Variants in MRC2 observed in about 807,000 individuals in gnomAD.
MRC2 encodes the protein mannose receptor C-type 2.
A neutral mutation model predicts 206.2 loss-of-function variants in MRC2; 84 were observed. The ratio of observed to expected loss-of-function variants is 0.41; its 90% CI spans 0.34 to 0.49. The LOEUF is 0.49. Ranked by LOEUF, MRC2 falls within the 20% of genes least tolerant of loss-of-function variation. The pLI, the probability that MRC2 is intolerant of heterozygous loss-of-function variation, is 0.31. For synonymous variants in MRC2, 798 were observed against 800.0 expected, an observed-to-expected ratio of 1.00 and a Z score of 0.04; for missense variants, 1,676 against 2,001.5, an observed-to-expected ratio of 0.84 and a Z score of 3.10.
In MRC2 at chr17:62,680,270, G is replaced by A. The variant is rs1475822596; in HGVS notation, c.2399G>A (p.Cys800Tyr). The A allele has an allele frequency of 6.2e-7, 1 of 1,614,112 alleles. No homozygotes were observed. Among genetic ancestry groups the A allele is most frequent in the African/African-American group, 1.3e-5 (1 of 75,062 alleles). ...TCCCTGCAGTGGGTGGCCATGCAGT[G>A]CGACACACAGCTGGACTGGATCTGC... The part of the protein sequence containing the change: ...LASLQWVAMQ[C>Y]DTQLDWICKI... Residue 800 changes from cysteine (C) to tyrosine (Y), a missense_variant, in exon 15 of 30, where the codon TGC becomes TAC. Coordinates refer to ENST00000303375, the MANE Select transcript of MRC2 (RefSeq NM_006039.5). The surrounding 1 kb of genome is among the most constrained non-coding windows in gnomAD (Gnocchi z 4.8).
chr17:62,627,961 G>T (rs756902989), intron 1 of MRC2, 41 bp downstream of exon 1: 19 of 1,331,442 alleles, frequency 1.4e-5, no homozygotes, highest in Admixed American at 1.1e-4. Flanking sequence ...GGCCCGGGCG[G>T]GGGGAGCGCC....
chr17:62,690,989 C>T lies in MRC2; in HGVS notation c.4053C>T (p.Tyr1351=), dbSNP rs1315305007. Residue 1351 remains tyrosine (Y), a synonymous_variant, in exon 28 of 30, where the codon TAC becomes TAT. Coordinates refer to ENST00000303375, the MANE Select transcript of MRC2 (RefSeq NM_006039.5). ...GGCAGGACAACACAGCTGTGAACTA[C>T]TCCAACTGGGGGCCCCCGGGCTTGG... ...LVWQDNTAVN[Y]SNWGPPGLGP... 1.9e-6 allele frequency: 3 copies of T among 1,609,136 alleles called. No individual in the cohort carries two copies. Among genetic ancestry groups the T allele is most frequent in the Non-Finnish European group, 2.5e-6 (3 of 1,178,450 alleles).
rs79289293 is a variant in MRC2, at chr17:62,660,744, A to C, written c.119-3804A>C. On this transcript the variant is annotated intron_variant, in intron 1 of 29. Coordinates refer to ENST00000303375, the MANE Select transcript of MRC2 (RefSeq NM_006039.5). ...AGAGGAAGATTTTTTTAAAATCCAG[A>C]TTCCCTTTAACATAGCATCCCTGAC... Among the ~76,000 whole-genome samples the C allele has an allele frequency of 0.036, 5,430 of 152,292 alleles. 774 individuals carry two copies. The East Asian group carries it at 0.45, about 13-fold the overall frequency.
chr17:62,677,839 C>T (rs1391013907), intron 12 of MRC2, among the ~76,000 whole-genome samples: 1 of 152,132 alleles, frequency 6.6e-6, no homozygotes, highest in African/African-American at 2.4e-5. Context: ...ATCACGAGGT[C>T]AGGAGATCGA....
intron 9 of MRC2, among the ~76,000 whole-genome samples, chr17:62,674,798 T>C (rs577589917): frequency 6.6e-6 from 1 of 151,348 alleles, no homozygotes; most frequent in Admixed American, 6.6e-5. Flanking sequence ...CTCCAGGGAG[T>C]GGAGCAGGGG....
chr17:62,658,062 G>A (rs1568057473), intron 1 of MRC2, among the ~76,000 whole-genome samples: 1 of 152,122 alleles, frequency 6.6e-6, no homozygotes, highest in Non-Finnish European at 1.5e-5. Flanking sequence ...GAAAATGCAA[G>A]AGGTTGCCTT....
At position 62,692,503 on chromosome 17, in the gene MRC2, C is replaced by T. The variant is rs934354230; in HGVS notation, c.*52C>T. The T allele has an allele frequency of 2.7e-5, 40 of 1,497,168 alleles. No homozygotes were observed. Among genetic ancestry groups the T allele is most frequent in the Middle Eastern group, 4.5e-4 (2 of 4,492 alleles). The allele number at this position is 1,497,168 out of a possible 1,614,324, so 92.7% of individuals were successfully genotyped here. On this transcript the variant is annotated 3_prime_UTR_variant, in exon 30 of 30. Coordinates refer to ENST00000303375, the MANE Select transcript of MRC2 (RefSeq NM_006039.5). The surrounding 1 kb of genome is among the most constrained non-coding windows in gnomAD (Gnocchi z 4.2). ...CGGGAGGAGCTGGGGAGCTGGGGCCCTGGGTCAGTCTGGCCCCCCACCAGC... is the reference window on the plus strand; with the variant it reads ...CGGGAGGAGCTGGGGAGCTGGGGCCTTGGGTCAGTCTGGCCCCCCACCAGC...
chr17:62,690,760 A>C lies in MRC2; in HGVS notation c.4011A>C (p.Lys1337Asn). The C allele has an allele frequency of 6.2e-7, 1 of 1,602,746 alleles. No homozygotes were observed. Among genetic ancestry groups the C allele is most frequent in the Non-Finnish European group, 8.5e-7 (1 of 1,174,728 alleles). ...GGCTGGGCATGAACTTCAACCCCAA[A>C]GGTGGGTGCCCTGTGTGTGGGGTGG... ...GAWLGMNFNP[K>N]GGTLVWQDNT... The change falls in exon 27 of 30, where the codon AAA becomes AAC. Residue 1337 changes from lysine to asparagine, a missense_variant and splice_region_variant. Lys to Asn is a moderately conservative substitution (Grantham distance 94, BLOSUM62 0). Transcript: ENST00000303375.
At chr17:62,665,500 G>C (rs900433238) in intron 2 of MRC2, among the ~76,000 whole-genome samples, 1 of 151,944 alleles carries the variant, frequency 6.6e-6, no homozygotes, top group Non-Finnish European at 1.5e-5. Context: ...ATACATGCTT[G>C]TAAAGTCTTC....
chr17:62,688,375 G>A lies in MRC2; in HGVS notation c.3033G>A (p.Leu1011=), dbSNP rs1382297590. ...CCTGTGAACAGCAAGAGGCCCAGCT[G>A]GTCACCATCACAAACCCCTTAGAGC... The part of the protein sequence containing the change: ...QFSCEQQEAQ[L]VTITNPLEQA... Residue 1011 remains leucine (L), a synonymous_variant, in exon 21 of 30, where the codon CTG becomes CTA. Transcript: ENST00000303375. The A allele has an allele frequency of 1.2e-6, 2 of 1,614,202 alleles. No individual in the cohort carries two copies. The highest frequency in any genetic ancestry group is 1.7e-6 in the Non-Finnish European group (2 of 1,180,026).
rs763340481 is a variant in MRC2, at chr17:62,680,358, G to A, written c.2437+50G>A. ...CGCGGGATGGAGCGAAGGGTGGCGG[G>A]GCCAGGAATTCCAGGGAGGGTCTCC... On this transcript the variant is annotated intron_variant, in intron 15 of 29. Coordinates refer to ENST00000303375, the MANE Select transcript of MRC2 (RefSeq NM_006039.5). This position sits in a 1 kb window ranked among gnomAD's most constrained non-coding sequence, Gnocchi z 4.8. 1 of 1,613,686 alleles carries A rather than the reference G, an allele frequency of 6.2e-7. No individual in the cohort carries two copies. The highest frequency in any genetic ancestry group is 2.2e-5 in the East Asian group (1 of 44,856).
chr17:62,681,571 G>C (rs935561408), intron 18 of MRC2: 1 of 483,410 alleles, frequency 2.1e-6, no homozygotes, highest in East Asian at 4.0e-5. Flanking sequence ...TTGTCTTTTT[G>C]CCCTTGGGCT....
chr17:62,669,617 C>T (rs1378386907), intron 6 of MRC2, among the ~76,000 whole-genome samples: 2 of 152,094 alleles, frequency 1.3e-5, no homozygotes, highest in Admixed American at 6.5e-5. Context: ...GCAACCTCCG[C>T]CTCCCAGGTT....
chr17:62,644,535 T>G (rs2088450488), intron 1 of MRC2, among the ~76,000 whole-genome samples: 1 of 152,144 alleles, frequency 6.6e-6, no homozygotes, highest in African/African-American at 2.4e-5. Flanking sequence ...ACCCCATCTT[T>G]ACAAAAAATA....
At chr17:62,637,155 G>A (rs2088332870) in intron 1 of MRC2, among the ~76,000 whole-genome samples, 1 of 152,150 alleles carries the variant, frequency 6.6e-6, no homozygotes, top group Non-Finnish European at 1.5e-5. Flanking sequence ...CTGAAGTCAG[G>A]AGTTCAAGAC....
intron 1 of MRC2, among the ~76,000 whole-genome samples, chr17:62,646,782 A>T (rs1379253275): frequency 6.6e-6 from 1 of 152,240 alleles, no homozygotes; most frequent in Non-Finnish European, 1.5e-5. Context: ...CGCAGGGTTA[A>T]GTTTGAAACA....
chr17:62,656,269 A>G (rs1045544221), intron 1 of MRC2, among the ~76,000 whole-genome samples: 6 of 151,220 alleles, frequency 4.0e-5, no homozygotes, highest in African/African-American at 1.5e-4. Flanking sequence ...CTGGTCTCAA[A>G]CTCCTGACCT....
rs2088825436 is a variant in MRC2 at position 62,671,522 on chromosome 17, G to A, written c.1118-127G>A. 1.2e-6 allele frequency: 1 copy of A among 811,732 alleles called. No homozygotes were observed. The highest frequency in any genetic ancestry group is 1.9e-6 in the Non-Finnish European group (1 of 535,306). 50.3% of individuals were successfully genotyped at this position (811,732 alleles called of 1,614,324 possible). A position where few individuals can be genotyped will look rare whatever the true frequency, so the allele number is the denominator to read the frequency against. ...TTCCAAGACCTGTGGTGGGGACCGG[G>A]ATTGATCTGGGAGAGTTTGGAGAGG... On this transcript the variant is annotated intron_variant, in intron 6 of 29. Coordinates refer to ENST00000303375, the MANE Select transcript of MRC2 (RefSeq NM_006039.5). This position sits in a 1 kb window ranked among gnomAD's most constrained non-coding sequence, Gnocchi z 4.5.
chr17:62,678,526 A>G lies in MRC2; in HGVS notation c.2075A>G (p.Gln692Arg). 6.2e-7 allele frequency: 1 copy of G among 1,612,366 alleles called. No individual in the cohort carries two copies. The highest frequency in any genetic ancestry group is 1.1e-5 in the South Asian group (1 of 90,994). The change falls in exon 13 of 30, where the codon CAG becomes CGG. Residue 692 changes from glutamine (Q) to arginine (R), a missense_variant. Gln to Arg is a conservative substitution (Grantham distance 43). Transcript: ENST00000303375. ...CYKVFSSERL[Q>R]DKKSWVQAQG... ...CAGGTGTTCAGCTCAGAGCGGCTGC[A>G]GGACAAGAAGAGCTGGGTCCAGGCC...
Sources: allele counts gnomAD v4.1 joint callset (sites outside exome capture counted in the v4.1 genomes callset), GRCh38; gene constraint gnomAD v4.1.1; non-coding constraint Gnocchi (gnomAD v3.1); transcripts MANE v1.5; gene names NCBI Gene and HGNC (gene_info 2026-07-23, HGNC 2026-07-21).